Variants in TENM3 observed in about 807,000 individuals in gnomAD.
TENM3 encodes the protein teneurin transmembrane protein 3.
TENM3 carries 63 observed loss-of-function variants against 255.1 expected under a neutral mutation model. That is an observed-to-expected ratio of 0.25 (90% CI 0.20 to 0.30). The LOEUF (loss-of-function observed/expected upper bound fraction) is 0.30, where lower values mean the gene tolerates loss of function less well. Ranked by LOEUF, TENM3 falls within the 10% of genes least tolerant of loss-of-function variation. The probability of loss-of-function intolerance (pLI) is 1.00; values close to 1 mark genes in which losing one functional copy is unlikely to be tolerated. For synonymous variants in TENM3, 1,306 were observed against 1,322.3 expected (o/e 0.99, Z 0.27); for missense variants, 2,929 against 3,461.1 (o/e 0.85, Z 3.86).
chr4:181,757,286 G>A, the TENM3 span, among the ~76,000 whole-genome samples: 1 of 152,162 alleles, frequency 6.6e-6, no homozygotes, highest in Non-Finnish European at 1.5e-5. Context: ...GAGTTTCTCA[G>A]TCTCTGTCAT....
chr4:182,518,523 A>T (rs1192622422), intron 3 of TENM3, among the ~76,000 whole-genome samples: 1 of 152,192 alleles, frequency 6.6e-6, no homozygotes, highest in African/African-American at 2.4e-5. Flanking sequence ...CCTAAAAAAA[A>T]AAAATAGCAA....
chr4:182,363,926 T>C (rs1278896677), intron 3 of TENM3, among the ~76,000 whole-genome samples: 1 of 152,128 alleles, frequency 6.6e-6, no homozygotes, highest in Non-Finnish European at 1.5e-5. Context: ...GAATGAAATA[T>C]CAGTTGCTAC....
chr4:181,647,212 C>T, the TENM3 span, among the ~76,000 whole-genome samples: 12 of 152,096 alleles, frequency 7.9e-5, no homozygotes, highest in Non-Finnish European at 1.5e-4. Context: ...TAAATTTTTA[C>T]GTAGATGAGT....
intron 3 of TENM3, among the ~76,000 whole-genome samples, chr4:182,530,703 T>C (rs1739693221): frequency 6.6e-6 from 1 of 152,332 alleles, no homozygotes; most frequent in African/African-American, 2.4e-5. Context: ...TGAGAACTGC[T>C]AGCCTGGAGC....
In TENM3 at chr4:182,800,096, G is replaced by C; in HGVS notation, c.7845G>C (p.Glu2615Asp). The change falls in exon 28 of 28, where the codon GAG becomes GAC. Residue 2615 changes from glutamate to aspartate, a missense_variant. By Grantham distance (45) the Glu-to-Asp change is conservative. Transcript: ENST00000511685. ...LHVRYGMTLD[E>D]EKARILEQAR... ...TGCGCTACGGCATGACCCTGGACGA[G>C]GAGAAGGCGCGCATCCTGGAGCAGG... 6.3e-7 allele frequency: 1 copy of C among 1,582,980 alleles called. No homozygotes were observed. Among genetic ancestry groups the C allele is most frequent in the South Asian group, 1.1e-5 (1 of 87,624 alleles).
chr4:182,632,527 T>C (rs1229360841), intron 5 of TENM3, among the ~76,000 whole-genome samples: 1 of 152,216 alleles, frequency 6.6e-6, no homozygotes, highest in African/African-American at 2.4e-5. Flanking sequence ...TATCTTCTCA[T>C]ACATTTATTG....
At chr4:182,076,291 G>A in the TENM3 span, among the ~76,000 whole-genome samples, 1 of 142,752 alleles carries the variant, frequency 7.0e-6, no homozygotes, top group Non-Finnish European at 1.5e-5. Context: ...TGCAACCTCC[G>A]CCTCCTGGGT....
chr4:181,992,752 A>G, the TENM3 span, among the ~76,000 whole-genome samples: 20 of 152,188 alleles, frequency 1.3e-4, no homozygotes, highest in East Asian at 5.8e-4. Flanking sequence ...AAAAGTTATC[A>G]TACAAAAAAA....
At chr4:182,493,361 A>T (rs569801616) in intron 3 of TENM3, among the ~76,000 whole-genome samples, 1 of 152,268 alleles carries the variant, frequency 6.6e-6, no homozygotes, top group South Asian at 2.1e-4. Context: ...ATAAATTGTT[A>T]TCCTTTTTAG....
chr4:182,081,018 G>A, the TENM3 span, among the ~76,000 whole-genome samples: 2 of 152,016 alleles, frequency 1.3e-5, no homozygotes, highest in East Asian at 3.9e-4. Flanking sequence ...ACTAAGTATC[G>A]CTGCCTTGCT....
the TENM3 span, among the ~76,000 whole-genome samples, chr4:181,974,308 C>T: frequency 7.2e-5 from 11 of 152,268 alleles, no homozygotes; most frequent in Admixed American, 1.3e-4. Context: ...TGGCTGACAC[C>T]TGTAATCCCA....
chr4:181,760,664 A>T, the TENM3 span, among the ~76,000 whole-genome samples: 2 of 152,172 alleles, frequency 1.3e-5, no homozygotes, highest in East Asian at 3.9e-4. Flanking sequence ...GAGACATTTG[A>T]TAAGTAGGAT....
chr4:182,068,221 AT>A, the TENM3 span, among the ~76,000 whole-genome samples: 2 of 152,128 alleles, frequency 1.3e-5, no homozygotes, highest in Non-Finnish European at 2.9e-5. Flanking sequence ...TTTTTAATGG[AT>A]TTGGAGCCAG....
At chr4:182,108,460 C>G in the TENM3 span, among the ~76,000 whole-genome samples, 1 of 152,156 alleles carries the variant, frequency 6.6e-6, no homozygotes, top group Non-Finnish European at 1.5e-5. Flanking sequence ...ATATAACATT[C>G]TTATAATGAA....
At chr4:181,636,199 C>T in the TENM3 span, among the ~76,000 whole-genome samples, 1 of 152,042 alleles carries the variant, frequency 6.6e-6, no homozygotes, top group Non-Finnish European at 1.5e-5. Flanking sequence ...GTGCGTGCCA[C>T]CACATCCGGC....
In TENM3 at chr4:182,613,276, C is replaced by A. The variant is rs115371542; in HGVS notation, c.749+12115C>A. Among the ~76,000 whole-genome samples, 1,070 of 152,108 alleles carry A rather than the reference C, an allele frequency of 7.0e-3. 12 individuals carry two copies. The highest frequency in any genetic ancestry group is 0.022 in the African/African-American group (921 of 41,504). On this transcript the variant is annotated intron_variant, in intron 4 of 27. Transcript: ENST00000511685. ...TATGAAAACATGTAAGAATATAATA[C>A]AAGTTTGTACACTTGATGACATGGA...
the TENM3 span, among the ~76,000 whole-genome samples, chr4:182,082,538 T>C: frequency 6.6e-6 from 1 of 152,208 alleles, no homozygotes; most frequent in East Asian, 1.9e-4. Context: ...AGCACAATTA[T>C]ATGATTTGCC....
At chr4:182,526,861 A>G (rs1041125410) in intron 3 of TENM3, among the ~76,000 whole-genome samples, 1 of 152,176 alleles carries the variant, frequency 6.6e-6, no homozygotes, top group African/African-American at 2.4e-5. Context: ...TCCTGAATCT[A>G]TGTGATGATA....
upstream of TENM3, among the ~76,000 whole-genome samples, chr4:182,241,111 T>A (rs191782013): frequency 2.0e-5 from 3 of 152,336 alleles, no homozygotes; most frequent in African/African-American, 2.4e-5. Flanking sequence ...AGTTTAACAC[T>A]CGTGCTGAAA....
Sources: gnomAD v4.1 joint callset for allele counts (sites outside exome capture counted in the v4.1 genomes callset) on GRCh38, gnomAD v4.1.1 for gene constraint, MANE v1.5 for transcripts, NCBI Gene and HGNC (gene_info 2026-07-23, HGNC 2026-07-21) for gene names.